The following EDDM3A variants were observed in gnomAD, a reference collection of about 807,000 sequenced individuals.
The protein encoded by EDDM3A is epididymal secretory protein E3-alpha.
For synonymous variants in EDDM3A, 75 were observed against 60.4 expected (o/e 1.24, Z -1.12); for missense variants, 199 against 177.4 (o/e 1.12, Z -0.69).
At chr14:20,746,501 T>C (rs1017312196) in intron 1 of EDDM3A, among the ~76,000 whole-genome samples, 7 of 152,224 alleles carry the variant, frequency 4.6e-5, no homozygotes, top group African/African-American at 1.7e-4. Flanking sequence ...ATACATCCTA[T>C]GCTGTGACCA....
At chr14:20,736,713 A>T in the EDDM3A span, among the ~76,000 whole-genome samples, 1 of 151,630 alleles carries the variant, frequency 6.6e-6, no homozygotes, top group Non-Finnish European at 1.5e-5. Context: ...TTTATTTTTT[A>T]TTTATTTATT....
upstream of EDDM3A, among the ~76,000 whole-genome samples, chr14:20,743,940 A>AT (rs72521754): frequency 0.08 from 12,193 of 151,734 alleles, 614 homozygotes; most frequent in African/African-American, 0.15. Context: ...GGAGTCCATG[A>AT]TTTTTTTTCC....
At chr14:20,744,399 G>A (rs907317153), upstream of EDDM3A, among the ~76,000 whole-genome samples, 2 of 152,182 alleles carry the variant, frequency 1.3e-5, no homozygotes, top group African/African-American at 4.8e-5. Context: ...ATCAACTAAG[G>A]TGGTTTGGCT....
At chr14:20,746,145 C>G (rs759045974) in intron 1 of EDDM3A, among the ~76,000 whole-genome samples, 153 bp downstream of exon 1, 3 of 152,200 alleles carry the variant, frequency 2.0e-5, no homozygotes, top group Admixed American at 2.0e-4. Flanking sequence ...CTGATACAGG[C>G]TTTTCCCTGC....
At chr14:20,741,576 C>A (rs1035094796), upstream of EDDM3A, among the ~76,000 whole-genome samples, 2 of 152,144 alleles carry the variant, frequency 1.3e-5, no homozygotes, top group African/African-American at 4.8e-5. Context: ...AAACACTCTA[C>A]TTACTGAACT....
chr14:20,740,666 TG>T, the EDDM3A span, among the ~76,000 whole-genome samples: 1 of 144,804 alleles, frequency 6.9e-6, no homozygotes, highest in African/African-American at 2.9e-5. Flanking sequence ...TTGTTTTGTT[TG>T]TTTGCTTGTT....
At chr14:20,744,496 A>G (rs953861439), upstream of EDDM3A, among the ~76,000 whole-genome samples, 1 of 152,212 alleles carries the variant, frequency 6.6e-6, no homozygotes, top group African/African-American at 2.4e-5. Context: ...GTGTTGATGA[A>G]CCAGTATTGG....
the EDDM3A span, among the ~76,000 whole-genome samples, chr14:20,738,830 C>T: frequency 1.3e-5 from 2 of 152,048 alleles, no homozygotes. Flanking sequence ...ATGTGGGGAG[C>T]AAGTCATAGG....
the EDDM3A span, among the ~76,000 whole-genome samples, chr14:20,737,397 A>G: frequency 0.011 from 1,628 of 152,016 alleles, 31 homozygotes; most frequent in African/African-American, 0.037. Flanking sequence ...TGAACTGGGG[A>G]CCTCGTACAT....
chr14:20,743,748 C>T (rs117076954), upstream of EDDM3A, among the ~76,000 whole-genome samples: 18 of 152,264 alleles, frequency 1.2e-4, no homozygotes, highest in Admixed American at 7.2e-4. Flanking sequence ...AGACCCATTA[C>T]GTAGTTTCCA....
chr14:20,748,244 C>A lies in EDDM3A; in HGVS notation c.*220C>A, dbSNP rs1796934318. The A allele has an allele frequency of 2.1e-6, 1 of 465,786 alleles. No homozygotes were observed. The highest frequency in any genetic ancestry group is 2.0e-5 in the African/African-American group (1 of 50,456). The allele number at this position is 465,786 out of a possible 1,614,324, so 28.9% of individuals were successfully genotyped here. On this transcript the variant is annotated 3_prime_UTR_variant, in exon 2 of 2. Coordinates refer to ENST00000326842, the MANE Select transcript of EDDM3A (RefSeq NM_006683.5). ...TTGTCCTAATTTGCCTAATTTACAC[C>A]CACATTTTTTCCAAGATTCAGCTCA...
In EDDM3A at chr14:20,747,664, T is replaced by C. The variant is rs1173118703; in HGVS notation, c.84T>C (p.Ile28=). The change falls in exon 2 of 2, where the codon ATT becomes ATC. Residue 28 remains isoleucine (I), a synonymous_variant. Transcript: ENST00000326842. ...GGCTGTGTGTATACAGTAACAACATTTACTGGAGAGAATTCATAAAACTTC... is the reference window on the plus strand; with the variant it reads ...GGCTGTGTGTATACAGTAACAACATCTACTGGAGAGAATTCATAAAACTTC... The part of the protein sequence containing the change: ...LCRLCVYSNN[I]YWREFIKLHY... 1.2e-6 allele frequency: 2 copies of C among 1,613,972 alleles called. No homozygotes were observed. The highest frequency in any genetic ancestry group is 1.7e-6 in the Non-Finnish European group (2 of 1,180,024).
the EDDM3A span, among the ~76,000 whole-genome samples, chr14:20,739,379 C>T: frequency 1.3e-5 from 2 of 152,290 alleles, no homozygotes; most frequent in African/African-American, 2.4e-5. Context: ...ATATCCATCC[C>T]TTATTTGGAT....
rs1399630583 is a variant in EDDM3A at position 20,748,104 on chromosome 14, CT to C, written c.*81del. The stretch of plus-strand genomic sequence containing the variant: ...TGGGCCCTGCCTCCATCAATAGCCC[CT>C]GCCACTCCCCGCTTACATTTATGTG... On this transcript the variant is annotated 3_prime_UTR_variant, in exon 2 of 2. Coordinates refer to ENST00000326842, the MANE Select transcript of EDDM3A (RefSeq NM_006683.5). 6 of 991,706 alleles carry C rather than the reference CT, an allele frequency of 6.1e-6. No individual in the cohort carries two copies. The African/African-American group carries it at 9.8e-5, about 16-fold the overall frequency. The allele number at this position is 991,706 out of a possible 1,614,324, so 61.4% of individuals were successfully genotyped here. A position where few individuals can be genotyped will look rare whatever the true frequency, so the allele number is the denominator to read the frequency against.
At chr14:20,746,556 T>G (rs79161930) in intron 1 of EDDM3A, among the ~76,000 whole-genome samples, 12 of 152,276 alleles carry the variant, frequency 7.9e-5, no homozygotes, top group African/African-American at 2.9e-4. Flanking sequence ...GCCTGATTGA[T>G]TACAGCAACA....
chr14:20,739,565 C>T, the EDDM3A span, among the ~76,000 whole-genome samples: 2 of 152,102 alleles, frequency 1.3e-5, no homozygotes, highest in Non-Finnish European at 2.9e-5. Context: ...CTAAAATATG[C>T]CCCAGATACA....
rs144822320 is a variant in EDDM3A at position 20,748,055 on chromosome 14, G to C, written c.*31G>C. On this transcript the variant is annotated 3_prime_UTR_variant, in exon 2 of 2. Transcript: ENST00000326842. ...CTATGCACATCCTCAGATATTGGTA[G>C]AGTATTCAGTGCTTCCAAAGTGGTG... is the stretch of plus-strand genomic sequence containing the variant. 1.0e-4 allele frequency: 161 copies of C among 1,539,208 alleles called. No individual in the cohort carries two copies. The highest frequency in any genetic ancestry group is 1.3e-4 in the Non-Finnish European group (152 of 1,139,698).
upstream of EDDM3A, among the ~76,000 whole-genome samples, chr14:20,742,890 C>A (rs559358851): frequency 6.6e-6 from 1 of 152,094 alleles, no homozygotes; most frequent in African/African-American, 2.4e-5. Context: ...TGCCACCACA[C>A]CCAACTAATT....
rs1877654079 is a variant in EDDM3A at position 20,747,898 on chromosome 14, C to T, written c.318C>T (p.His106=). 6.2e-7 allele frequency: 1 copy of T among 1,614,142 alleles called. No homozygotes were observed. The highest frequency in any genetic ancestry group is 8.5e-7 in the Non-Finnish European group (1 of 1,180,024). The change falls in exon 2 of 2, where the codon CAC becomes CAT. Residue 106 remains histidine, a synonymous_variant. Coordinates refer to ENST00000326842, the MANE Select transcript of EDDM3A (RefSeq NM_006683.5). ...GTGCCCTCAAAGTACTCGAGTGTCA[C>T]TGGGAGAAGTACAACAATAGGTACA... The part of the protein sequence containing the change: ...APGALKVLEC[H]WEKYNNRYTE...
Sources: gnomAD v4.1 joint callset for allele counts (sites outside exome capture counted in the v4.1 genomes callset) on GRCh38, gnomAD v4.1.1 for gene constraint, MANE v1.5 for transcripts, NCBI Gene and HGNC (gene_info 2026-07-23, HGNC 2026-07-21) for gene names.